The following SASH1 variants were observed in gnomAD, a reference collection of about 807,000 sequenced individuals.
The protein encoded by SASH1 is SAM and SH3 domain-containing protein 1.
Under a neutral mutation model 125.2 loss-of-function variants are expected in SASH1, and 44 were observed. That is an observed-to-expected ratio of 0.35 (90% confidence interval 0.28 to 0.45). The LOEUF is 0.45. SASH1 is among the 20% of genes least tolerant of loss of function. The probability of loss-of-function intolerance (pLI) is 1.00; values close to 1 mark genes in which losing one functional copy is unlikely to be tolerated. For synonymous variants in SASH1, 639 were observed against 649.1 expected (o/e 0.98, Z 0.24); for missense variants, 1,426 against 1,614.5 (o/e 0.88, Z 2.00).
In SASH1 at chr6:148,348,953, C is replaced by A. The variant is rs570622798; in HGVS notation, c.156+5730C>A. On this transcript the variant is annotated intron_variant, in intron 1 of 19. Transcript: ENST00000367467. ...GATCCCTTCACTCAGGATCAGCAAC[C>A]CAGGAGCGTCTGGGCGGCCCCTACC... 5.3e-5 allele frequency among the ~76,000 whole-genome samples: 8 copies of A among 152,344 alleles called. No individual in the cohort carries two copies. In the East Asian group the frequency reaches 1.5e-3, roughly 29 times the overall value.
rs187448546 is a variant in SASH1 at position 148,302,704 on chromosome 6, G to A, written n.74+30327G>A. 2.5e-3 allele frequency among the ~76,000 whole-genome samples: 364 copies of A among 144,792 alleles called. 1 individual carries two copies. Among genetic ancestry groups the A allele is most frequent in the African/African-American group, 8.9e-3 (351 of 39,640 alleles). 95.0% of individuals were successfully genotyped at this position (144,792 alleles called of 152,430 possible). A position where few individuals can be genotyped will look rare whatever the true frequency, so the allele number is the denominator to read the frequency against. ...ACGGAGAAATATATATATACACACT[G>A]TGTATATATATATATAATTTCTGTG... On this transcript the variant is annotated intron_variant and non_coding_transcript_variant, in intron 1 of 3. Coordinates refer to the SASH1 transcript ENST00000367469.
At chr6:148,204,147 G>T in the SASH1 span, among the ~76,000 whole-genome samples, 5 of 152,156 alleles carry the variant, frequency 3.3e-5, no homozygotes, top group Admixed American at 6.6e-5. Context: ...CTCTCGGGCC[G>T]CTCGGCAAGG....
intron 1 of SASH1, among the ~76,000 whole-genome samples, chr6:148,296,226 A>G (rs1779760128): frequency 6.6e-6 from 1 of 152,140 alleles, no homozygotes; most frequent in African/African-American, 2.4e-5. Context: ...CCCAGGTTCA[A>G]GCAATTCTCC....
intron 1 of SASH1, among the ~76,000 whole-genome samples, chr6:148,291,588 G>T (rs941454881): frequency 2.6e-5 from 4 of 152,128 alleles, no homozygotes; most frequent in Non-Finnish European, 5.9e-5. Context: ...GGAGTCTGAG[G>T]TGGGTGGATC....
chr6:148,242,930 T>C, the SASH1 span, among the ~76,000 whole-genome samples: 20 of 152,200 alleles, frequency 1.3e-4, no homozygotes, highest in African/African-American at 4.8e-4. Flanking sequence ...ATATGTGATT[T>C]TTTTTTTAAC....
intron 16 of SASH1, among the ~76,000 whole-genome samples, chr6:148,537,333 T>A (rs1297872143): frequency 1.3e-5 from 2 of 152,194 alleles, no homozygotes; most frequent in South Asian, 4.1e-4. Flanking sequence ...AGACTCTAAT[T>A]GTCAGATGGC....
At chr6:148,228,684 A>T in the SASH1 span, among the ~76,000 whole-genome samples, 1 of 152,208 alleles carries the variant, frequency 6.6e-6, no homozygotes, top group Non-Finnish European at 1.5e-5. Flanking sequence ...TGAGCGTTTT[A>T]TGCTCCACCA....
At chr6:148,317,865 G>A (rs1041767018) in intron 1 of SASH1, among the ~76,000 whole-genome samples, 4 of 152,146 alleles carry the variant, frequency 2.6e-5, no homozygotes, top group African/African-American at 9.7e-5. Flanking sequence ...CTTTAGCAAC[G>A]CATTCCATTA....
At chr6:148,446,657 G>A (rs1388348854) in intron 4 of SASH1, among the ~76,000 whole-genome samples, 1 of 152,098 alleles carries the variant, frequency 6.6e-6, no homozygotes, top group African/African-American at 2.4e-5. Flanking sequence ...GGTTTATATA[G>A]ACTAAAAATT....
At chr6:148,283,993 G>A (rs1341924049) in intron 1 of SASH1, among the ~76,000 whole-genome samples, 1 of 151,938 alleles carries the variant, frequency 6.6e-6, no homozygotes, top group African/African-American at 2.4e-5. Flanking sequence ...TTCACCCTGA[G>A]TGTTAGCTAT....
At chr6:148,430,276 C>T (rs1197066018) in intron 2 of SASH1, among the ~76,000 whole-genome samples, 2 of 152,176 alleles carry the variant, frequency 1.3e-5, no homozygotes, top group Non-Finnish European at 1.5e-5. Context: ...AAGGGGGCTT[C>T]TTCTTCTGAA....
intron 1 of SASH1, among the ~76,000 whole-genome samples, chr6:148,337,053 A>G (rs79007575): frequency 0.012 from 1,785 of 152,146 alleles, 34 homozygotes; most frequent in African/African-American, 0.041. Context: ...CACAGTTAAG[A>G]ACAAGTTTTT....
chr6:148,246,754 T>C, the SASH1 span, among the ~76,000 whole-genome samples: 1 of 152,230 alleles, frequency 6.6e-6, no homozygotes, highest in Admixed American at 6.5e-5. Flanking sequence ...ATGAATACTT[T>C]TGCAATGAAA....
At chr6:148,499,376 A>G (rs9390576) in intron 8 of SASH1, among the ~76,000 whole-genome samples, 19,730 of 152,138 alleles carry the variant, frequency 0.13, 1,765 homozygotes, top group East Asian at 0.47. Context: ...AAGGATGCAA[A>G]TCTCTTCTTA....
In SASH1 at chr6:148,287,068, G is replaced by A. The variant is rs143129374; in HGVS notation, n.74+14691G>A. 3.6e-3 allele frequency among the ~76,000 whole-genome samples: 551 copies of A among 152,258 alleles called. 2 individuals carry two copies. Among genetic ancestry groups the A allele is most frequent in the African/African-American group, 0.012 (514 of 41,552 alleles). On this transcript the variant is annotated intron_variant and non_coding_transcript_variant, in intron 1 of 3. Transcript: ENST00000367469. Reference sequence around the variant, plus strand: ...GTCAGATTTGAGGGATGAGATGTGAGTGGAGGTGCCGTTCTTGCCCCAGGT... The same window carrying A: ...GTCAGATTTGAGGGATGAGATGTGAATGGAGGTGCCGTTCTTGCCCCAGGT...
chr6:148,487,965 A>G (rs1009340503), intron 8 of SASH1, among the ~76,000 whole-genome samples: 4 of 150,312 alleles, frequency 2.7e-5, no homozygotes, highest in Non-Finnish European at 5.9e-5. Flanking sequence ...GATGACATTT[A>G]CCATATCAGC....
intron 1 of SASH1, among the ~76,000 whole-genome samples, chr6:148,300,234 C>A (rs1030416090): frequency 2.0e-5 from 3 of 152,160 alleles, no homozygotes; most frequent in Non-Finnish European, 4.4e-5. Flanking sequence ...TGCTAATACT[C>A]ATTTTCATAG....
At position 148,313,581 on chromosome 6, in the gene SASH1, A is replaced by G. The variant is rs796652803; in HGVS notation, n.74+41204A>G. On this transcript the variant is annotated intron_variant and non_coding_transcript_variant, in intron 1 of 3. Coordinates refer to the SASH1 transcript ENST00000367469. ...TGGTTCTTTGTTTCTATAAATACACAAACCTATGTCGAGACTTTTTACCCT... is the reference window on the plus strand; with the variant it reads ...TGGTTCTTTGTTTCTATAAATACACGAACCTATGTCGAGACTTTTTACCCT... 2.9e-3 allele frequency among the ~76,000 whole-genome samples: 435 copies of G among 152,308 alleles called. 1 individual carries two copies. The highest frequency in any genetic ancestry group is 1.0e-2 in the African/African-American group (415 of 41,578).
At position 148,540,513 on chromosome 6, in the gene SASH1, C is replaced by G; in HGVS notation, c.2166C>G (p.Pro722=). The change falls in exon 17 of 20, where the codon CCC becomes CCG. Residue 722 remains proline, a synonymous_variant. Coordinates refer to ENST00000367467, the MANE Select transcript of SASH1 (RefSeq NM_015278.5). The part of the protein sequence containing the change: ...VDSQGLSGCS[P]RDSGCYESSE... Reference sequence around the variant, plus strand: ...GCCAGGGCCTGAGTGGATGCTCACCCCGAGACTCAGGATGCTACGAAAGCA... The same window carrying G: ...GCCAGGGCCTGAGTGGATGCTCACCGCGAGACTCAGGATGCTACGAAAGCA... The G allele has an allele frequency of 6.2e-7, 1 of 1,614,048 alleles. No individual in the cohort carries two copies. The highest frequency in any genetic ancestry group is 8.5e-7 in the Non-Finnish European group (1 of 1,180,010).
Sources: allele counts gnomAD v4.1 joint callset (sites outside exome capture counted in the v4.1 genomes callset), GRCh38; gene constraint gnomAD v4.1.1; transcripts MANE v1.5; gene names NCBI Gene and HGNC (gene_info 2026-07-23, HGNC 2026-07-21).